CILK1: variants seen among roughly 807,000 people sequenced by gnomAD.
CILK1 encodes the protein ciliogenesis associated kinase 1, also known as serine/threonine-protein kinase ICK.
A neutral mutation model predicts 79.2 loss-of-function variants in CILK1; 47 were observed. That is an observed-to-expected ratio of 0.59 (90% CI 0.47 to 0.76). The LOEUF is 0.76. Ranked by LOEUF, CILK1 falls within the 30% of genes least tolerant of loss-of-function variation. The pLI is 0.00. For synonymous variants in CILK1, 266 were observed against 275.9 expected, an observed-to-expected ratio of 0.96 and a Z score of 0.36; for missense variants, 660 against 769.5, an observed-to-expected ratio of 0.86 and a Z score of 1.68.
At chr6:53,036,909 A>C (rs1766376739) in intron 3 of CILK1, among the ~76,000 whole-genome samples, 1 of 152,036 alleles carries the variant, frequency 6.6e-6, no homozygotes, top group Non-Finnish European at 1.5e-5. Context: ...TATAAATAAA[A>C]ATTTTATGGA....
At chr6:53,039,948 T>C (rs1766594969) in intron 2 of CILK1, among the ~76,000 whole-genome samples, 2 of 151,802 alleles carry the variant, frequency 1.3e-5, no homozygotes, top group African/African-American at 4.8e-5. Context: ...TGACTAAAGG[T>C]GAGGCATAAT....
chr6:53,016,587 G>A (rs1764906549), intron 7 of CILK1, among the ~76,000 whole-genome samples: 1 of 152,192 alleles, frequency 6.6e-6, no homozygotes, highest in African/African-American at 2.4e-5. Flanking sequence ...TCTGAAAACT[G>A]CCAATGAGAT....
intron 1 of CILK1, among the ~76,000 whole-genome samples, chr6:53,057,465 T>G (rs1256233673): frequency 6.6e-6 from 1 of 152,248 alleles, no homozygotes. Flanking sequence ...ATGACAATCA[T>G]CTGCTAGGAA....
At chr6:53,035,365 G>T (rs1766260622) in intron 3 of CILK1, among the ~76,000 whole-genome samples, 1 of 151,848 alleles carries the variant, frequency 6.6e-6, no homozygotes, top group South Asian at 2.1e-4. Flanking sequence ...AATTGTTGCA[G>T]CAAGAACCTA....
chr6:53,021,346 G>T (rs1306651184), intron 5 of CILK1, among the ~76,000 whole-genome samples: 2 of 151,806 alleles, frequency 1.3e-5, no homozygotes, highest in African/African-American at 4.8e-5. Flanking sequence ...GGGGGGTTGG[G>T]GGGGTAAATC....
chr6:53,014,439 C>G (rs1262562481), intron 8 of CILK1, among the ~76,000 whole-genome samples: 3 of 152,176 alleles, frequency 2.0e-5, no homozygotes, highest in Non-Finnish European at 4.4e-5. Context: ...GCTTTTATCC[C>G]AAAAGTGCCA....
rs377721919 is a variant in CILK1, at chr6:53,037,713, A to G, written c.156+226T>C. ...AAATCAACACATTCAACTTCTTTAT[A>G]TTGAAATATATTGATATAAGTGATC... On this transcript the variant is annotated intron_variant, in intron 3 of 13. Transcript: ENST00000676107. Among the ~76,000 whole-genome samples the G allele has an allele frequency of 7.9e-5, 12 of 152,340 alleles. No individual in the cohort carries two copies. The East Asian group carries it at 1.7e-3, about 22-fold the overall frequency.
At chr6:53,006,760 T>C (rs1161413763) in intron 12 of CILK1, among the ~76,000 whole-genome samples, 2 of 152,218 alleles carry the variant, frequency 1.3e-5, no homozygotes, top group Non-Finnish European at 2.9e-5. Context: ...TATTCTAAAA[T>C]TTGCTTTTTT....
At chr6:53,048,224 T>C (rs1350006506) in intron 1 of CILK1, among the ~76,000 whole-genome samples, 2 of 152,172 alleles carry the variant, frequency 1.3e-5, no homozygotes, top group African/African-American at 4.8e-5. Context: ...GTGAGGCATC[T>C]AAATGAAAGT....
chr6:53,047,599 A>C (rs935500873), intron 1 of CILK1, among the ~76,000 whole-genome samples: 1 of 148,442 alleles, frequency 6.7e-6, no homozygotes, highest in Admixed American at 6.8e-5. Flanking sequence ...GCGTGAGTAC[A>C]CCTGGCCTCA....
chr6:53,043,957 G>A (rs984459652), intron 1 of CILK1, among the ~76,000 whole-genome samples: 2 of 152,004 alleles, frequency 1.3e-5, no homozygotes, highest in Non-Finnish European at 1.5e-5. Flanking sequence ...AGGGCAAATG[G>A]GGTTCTAGCA....
At chr6:53,006,494 C>G in intron 12 of CILK1, 57 bp from the exon 13 acceptor site, 1 of 1,598,898 alleles carries the variant, frequency 6.3e-7, no homozygotes, top group Non-Finnish European at 8.5e-7. Context: ...AGGACACCAA[C>G]AAGGTTAAAT....
chr6:53,016,190 C>T lies in CILK1; in HGVS notation c.724G>A (p.Val242Ile), dbSNP rs1238752935. The T allele has an allele frequency of 1.2e-6, 2 of 1,614,106 alleles. No homozygotes were observed. Among genetic ancestry groups the T allele is most frequent in the South Asian group, 1.1e-5 (1 of 91,090 alleles). ...ATCAAGGTCTTTAAGTTATTGGGTA[C>T]ACACTGTGGCCAACGGAAGTTCATT... The part of the protein sequence containing the change: ...SAMNFRWPQC[V>I]PNNLKTLIPN... The change falls in exon 8 of 14, where the codon GTA becomes ATA. Residue 242 changes from valine to isoleucine, a missense_variant. Val to Ile is a conservative substitution (Grantham distance 29, BLOSUM62 3). Transcript: ENST00000676107.
intron 2 of CILK1, among the ~76,000 whole-genome samples, chr6:53,038,736 G>A (rs752195918): frequency 1.2e-4 from 18 of 152,210 alleles, no homozygotes; most frequent in Non-Finnish European, 2.4e-4. Context: ...GCCTGTGGCT[G>A]CTTTCAAACT....
intron 11 of CILK1, among the ~76,000 whole-genome samples, chr6:53,009,810 C>G (rs956502183): frequency 1.4e-4 from 21 of 152,172 alleles, no homozygotes; most frequent in African/African-American, 5.1e-4. Context: ...ACCTCTTGGC[C>G]CTCTGGTGCC....
At chr6:53,013,588 A>T in intron 9 of CILK1, 74 bp downstream of exon 9, 1 of 1,428,040 alleles carries the variant, frequency 7.0e-7, no homozygotes, top group South Asian at 1.2e-5. Flanking sequence ...GAAAAAGAAA[A>T]TATTTCACAC....
chr6:53,009,719 A>C, intron 11 of CILK1, 152 bp from the exon 12 acceptor site: 1 of 698,900 alleles, frequency 1.4e-6, no homozygotes, highest in Non-Finnish European at 2.4e-6. Context: ...GTCATCTGAC[A>C]GATGTCCGAG....
At chr6:53,027,898 A>G (rs1192980639) in intron 5 of CILK1, among the ~76,000 whole-genome samples, 1 of 152,058 alleles carries the variant, frequency 6.6e-6, no homozygotes, top group Admixed American at 6.5e-5. Context: ...CTGTAATCCC[A>G]GCACTTTGGG....
chr6:53,023,887 A>C (rs1454225253), intron 5 of CILK1, among the ~76,000 whole-genome samples: 1 of 152,216 alleles, frequency 6.6e-6, no homozygotes, highest in Non-Finnish European at 1.5e-5. Context: ...AAGTGAATGT[A>C]ATTACAGAGC....
Sources: gnomAD v4.1 joint callset for allele counts (sites outside exome capture counted in the v4.1 genomes callset) on GRCh38, gnomAD v4.1.1 for gene constraint, MANE v1.5 for transcripts, NCBI Gene and HGNC (gene_info 2026-07-23, HGNC 2026-07-21) for gene names.